EPC2: variants seen among roughly 807,000 people sequenced by gnomAD.
The protein encoded by EPC2 is enhancer of polycomb homolog 2.
Under a neutral mutation model 92.1 loss-of-function variants are expected in EPC2, and 14 were observed. The ratio of observed to expected loss-of-function variants is 0.15; its 90% CI spans 0.10 to 0.24. EPC2 has a LOEUF of 0.24. Among genes scored for constraint, EPC2 ranks in the 10% least tolerant of loss-of-function variants. The pLI, the probability that EPC2 is intolerant of heterozygous loss-of-function variation, is 1.00. For missense variants in EPC2, 755 were observed against 971.5 expected, an observed-to-expected ratio of 0.78 and a Z score of 2.96; for synonymous variants, 340 against 334.7, an observed-to-expected ratio of 1.02 and a Z score of -0.17.
chr2:148,732,121 A>G (rs1480913381), intron 2 of EPC2, among the ~76,000 whole-genome samples: 2 of 152,206 alleles, frequency 1.3e-5, no homozygotes, highest in African/African-American at 2.4e-5. Flanking sequence ...TTCCTCACCA[A>G]GGGGAGCTAG....
intron 2 of EPC2, among the ~76,000 whole-genome samples, chr2:148,695,263 G>T (rs115249760): frequency 6.6e-6 from 1 of 152,226 alleles, no homozygotes; most frequent in Admixed American, 6.5e-5. Context: ...TCAGGAGAAA[G>T]GATAGGTGGA....
chr2:148,714,092 G>A (rs73020822), intron 2 of EPC2, among the ~76,000 whole-genome samples: 6 of 130,568 alleles, frequency 4.6e-5, no homozygotes, highest in Non-Finnish European at 7.8e-5. Flanking sequence ...AGTGTGGGTC[G>A]TTCCCCCCAT....
intron 13 of EPC2, 90 bp from the exon 14 acceptor site, chr2:148,786,215 A>G (rs1238775611): frequency 9.4e-7 from 1 of 1,069,086 alleles, no homozygotes; most frequent in Non-Finnish European, 1.4e-6. Flanking sequence ...AGTTGTAATT[A>G]TGTAACAATG....
chr2:148,645,879 G>A (rs1402418827), intron 1 of EPC2, among the ~76,000 whole-genome samples: 1 of 152,248 alleles, frequency 6.6e-6, no homozygotes, highest in Non-Finnish European at 1.5e-5. Context: ...AGCCGGGGAT[G>A]CCCGGAAGCG....
At chr2:148,785,907 C>T (rs192774141) in intron 13 of EPC2, among the ~76,000 whole-genome samples, 1 of 151,994 alleles carries the variant, frequency 6.6e-6, no homozygotes, top group African/African-American at 2.4e-5. Flanking sequence ...TAGAATTAAA[C>T]TCTAATGGAA....
chr2:148,721,786 G>A (rs1392682846), intron 2 of EPC2, among the ~76,000 whole-genome samples: 6 of 142,420 alleles, frequency 4.2e-5, no homozygotes, highest in Non-Finnish European at 7.5e-5. Context: ...CAGGCTCCAA[G>A]ATTGTTCTGT....
chr2:148,663,497 C>T (rs981558518), intron 1 of EPC2, among the ~76,000 whole-genome samples: 8 of 150,562 alleles, frequency 5.3e-5, no homozygotes, highest in African/African-American at 1.9e-4. Flanking sequence ...GGATTACAGG[C>T]GTGAGCCACT....
chr2:148,658,767 A>AT (rs1469764105), intron 1 of EPC2, among the ~76,000 whole-genome samples: 1 of 151,952 alleles, frequency 6.6e-6, no homozygotes, highest in Non-Finnish European at 1.5e-5. Flanking sequence ...GACATGGGTT[A>AT]TATATTACTT....
chr2:148,761,942 C>T lies in EPC2; in HGVS notation c.815+12C>T. On this transcript the variant is annotated intron_variant, in intron 5 of 13. Coordinates refer to ENST00000258484, the MANE Select transcript of EPC2 (RefSeq NM_015630.4). ...GTTGTGGAGAAAAGGTAACATTGCT[C>T]CTGTTACAACAGTAAAATGACAACT... The T allele has an allele frequency of 1.5e-5, 23 of 1,553,574 alleles. No individual in the cohort carries two copies. The highest frequency in any genetic ancestry group is 2.0e-5 in the Non-Finnish European group (23 of 1,159,950).
At chr2:148,716,122 G>A (rs1682256439) in intron 2 of EPC2, among the ~76,000 whole-genome samples, 1 of 152,198 alleles carries the variant, frequency 6.6e-6, no homozygotes, top group South Asian at 2.1e-4. Context: ...AAGCTTTTGG[G>A]CTGAGACGAT....
At chr2:148,754,254 T>G (rs192788532) in intron 4 of EPC2, 121 bp downstream of exon 4, 1 of 794,878 alleles carries the variant, frequency 1.3e-6, no homozygotes, top group Non-Finnish European at 2.0e-6. Context: ...TGACTTTCTA[T>G]AAGAAATCCT....
intron 1 of EPC2, among the ~76,000 whole-genome samples, chr2:148,658,593 CTGTG>C (rs771108217): frequency 8.2e-4 from 115 of 140,474 alleles, no homozygotes; most frequent in African/African-American, 2.3e-3. Context: ...TGAAGATTAG[CTGTG>C]TGTGTGTGTG....
chr2:148,655,693 A>G (rs1680778658), intron 1 of EPC2, among the ~76,000 whole-genome samples: 1 of 152,124 alleles, frequency 6.6e-6, no homozygotes, highest in Admixed American at 6.5e-5. Flanking sequence ...TTGGGAACCT[A>G]CGACCTGAGG....
At chr2:148,709,916 C>T (rs1283907249) in intron 2 of EPC2, among the ~76,000 whole-genome samples, 1 of 151,972 alleles carries the variant, frequency 6.6e-6, no homozygotes, top group Non-Finnish European at 1.5e-5. Flanking sequence ...CTAGGCAATA[C>T]CATTCAGGAC....
chr2:148,670,159 T>C (rs79156981), intron 1 of EPC2, among the ~76,000 whole-genome samples: 3,929 of 152,268 alleles, frequency 0.026, 59 homozygotes, highest in East Asian at 0.032. Flanking sequence ...TCTTGCTCCA[T>C]ACTCTGGGAA....
chr2:148,765,119 C>T lies in EPC2; in HGVS notation c.1113C>T (p.His371=). The T allele has an allele frequency of 6.3e-7, 1 of 1,581,978 alleles. No individual in the cohort carries two copies. The highest frequency in any genetic ancestry group is 2.3e-5 in the East Asian group (1 of 43,812). The stretch of plus-strand genomic sequence containing the variant: ...GTGACATTAAGCAATATGATTTTCA[C>T]AGCTCAGATGAAGATGAATTTCCAC... The part of the protein sequence containing the change: ...NKSDIKQYDF[H]SSDEDEFPQV... Residue 371 remains histidine, a synonymous_variant, in exon 7 of 14, where the codon CAC becomes CAT. Coordinates refer to ENST00000258484, the MANE Select transcript of EPC2 (RefSeq NM_015630.4).
rs754803236 is a variant in EPC2 at position 148,645,206 on chromosome 2, C to T, written c.153+36C>T. ...GAGTGTTTATTACCCCCCCTTCCCT[C>T]CTCCCCCCTCCCCTTTGTCAGTCGG... On this transcript the variant is annotated intron_variant, in intron 1 of 13. Coordinates refer to ENST00000258484, the MANE Select transcript of EPC2 (RefSeq NM_015630.4). The T allele has an allele frequency of 3.4e-6, 5 of 1,475,920 alleles. 1 individual carries two copies. Among genetic ancestry groups the T allele is most frequent in the East Asian group, 2.5e-5 (1 of 39,994 alleles). 91.4% of individuals were successfully genotyped at this position (1,475,920 alleles called of 1,614,324 possible).
chr2:148,691,771 T>C, intron 2 of EPC2: 1 of 757,062 alleles, frequency 1.3e-6, no homozygotes, highest in South Asian at 1.5e-5. Flanking sequence ...TTCTCCTTTC[T>C]ACCTAAGGGC....
intron 1 of EPC2, among the ~76,000 whole-genome samples, chr2:148,686,639 C>G (rs560413151): frequency 6.6e-6 from 1 of 152,298 alleles, no homozygotes; most frequent in South Asian, 2.1e-4. Context: ...GTCAAAATTA[C>G]TTTTAATCCA....
Sources: gnomAD v4.1 joint callset for allele counts (sites outside exome capture counted in the v4.1 genomes callset) on GRCh38, gnomAD v4.1.1 for gene constraint, MANE v1.5 for transcripts, NCBI Gene and HGNC (gene_info 2026-07-23, HGNC 2026-07-21) for gene names.